The following TMEM132D variants were observed in gnomAD, a reference collection of about 807,000 sequenced individuals.
TMEM132D encodes transmembrane protein 132D.
A neutral mutation model predicts 62.3 loss-of-function variants in TMEM132D; 21 were observed. The ratio of observed to expected loss-of-function variants is 0.34; its 90% CI spans 0.24 to 0.49. The LOEUF is 0.49. TMEM132D is among the 20% of genes least tolerant of loss of function. The pLI is 0.99. For synonymous variants in TMEM132D, 621 were observed against 575.6 expected, an observed-to-expected ratio of 1.08 and a Z score of -1.13; for missense variants, 1,346 against 1,402.8, an observed-to-expected ratio of 0.96 and a Z score of 0.65.
chr12:129,315,894 C>G (rs889692335), intron 4 of TMEM132D, among the ~76,000 whole-genome samples: 2 of 152,008 alleles, frequency 1.3e-5, no homozygotes, highest in African/African-American at 4.8e-5. Context: ...CAGGAATTTA[C>G]CCATCTTTTC....
intron 3 of TMEM132D, among the ~76,000 whole-genome samples, chr12:129,430,856 G>A (rs764275380): frequency 1.3e-5 from 2 of 152,186 alleles, no homozygotes; most frequent in Non-Finnish European, 2.9e-5. Context: ...CTTAAAATGG[G>A]GGAGGTAGAT....
At chr12:129,152,079 T>C (rs1877090796) in intron 5 of TMEM132D, among the ~76,000 whole-genome samples, 1 of 152,174 alleles carries the variant, frequency 6.6e-6, no homozygotes, top group Non-Finnish European at 1.5e-5. Flanking sequence ...GGTTTCACCA[T>C]GTTGGCCAGA....
intron 2 of TMEM132D, among the ~76,000 whole-genome samples, chr12:129,638,203 A>G (rs1394973467): frequency 1.3e-5 from 2 of 152,136 alleles, no homozygotes; most frequent in East Asian, 1.9e-4. Context: ...ATGTGTCCTT[A>G]CCCGTTTTAT....
chr12:129,851,407 T>C (rs10744435), intron 1 of TMEM132D, among the ~76,000 whole-genome samples: 120,170 of 152,164 alleles, frequency 0.79, 47,741 homozygotes, highest in East Asian at 0.92. Flanking sequence ...TGAAAAATTG[T>C]TCATTTACCA....
In TMEM132D at chr12:129,615,805, T is replaced by C. The variant is rs199918467; in HGVS notation, c.968+84005A>G. ...CAAAACAAAACAAAACAAAATAAAATAAAATAAAATAAAATAAAATAAAAT... is the reference window on the plus strand; with the variant it reads ...CAAAACAAAACAAAACAAAATAAAACAAAATAAAATAAAATAAAATAAAAT... On this transcript the variant is annotated intron_variant, in intron 2 of 8. Transcript: ENST00000422113. Among the ~76,000 whole-genome samples the C allele has an allele frequency of 3.3e-3, 410 of 123,434 alleles. 2 individuals carry two copies. Among genetic ancestry groups the C allele is most frequent in the South Asian group, 7.2e-3 (27 of 3,758 alleles). The allele number at this position is 123,434 out of a possible 152,430, so 81.0% of individuals were successfully genotyped here.
intron 1 of TMEM132D, among the ~76,000 whole-genome samples, chr12:129,859,825 A>G (rs1035981674): frequency 1.2e-4 from 19 of 152,238 alleles, no homozygotes; most frequent in African/African-American, 4.3e-4. Context: ...TGGTGGTTGC[A>G]CTGTCGGCCT....
intron 2 of TMEM132D, among the ~76,000 whole-genome samples, chr12:129,697,331 C>T (rs1452648025): frequency 6.6e-6 from 1 of 152,146 alleles, no homozygotes; most frequent in African/African-American, 2.4e-5. Context: ...GTCAAATTGA[C>T]TTCATTTAAA....
chr12:129,237,400 G>A (rs566169091), intron 4 of TMEM132D, among the ~76,000 whole-genome samples: 2 of 151,914 alleles, frequency 1.3e-5, no homozygotes, highest in African/African-American at 2.4e-5. Flanking sequence ...TTCTTTCTGA[G>A]CTCTGCTTTA....
chr12:129,636,775 AG>A (rs1369147019), intron 2 of TMEM132D, among the ~76,000 whole-genome samples: 57 of 151,420 alleles, frequency 3.8e-4, no homozygotes, highest in Non-Finnish European at 1.3e-4. Context: ...AGAAAGAAAG[AG>A]ATATCAATTT....
chr12:129,531,328 T>C (rs1464983932), intron 2 of TMEM132D, 123 bp from the exon 3 acceptor site: 3 of 1,202,826 alleles, frequency 2.5e-6, no homozygotes, highest in Admixed American at 5.1e-5. Context: ...TCATGTATAC[T>C]AGGATTTAAA....
At chr12:129,492,711 G>A (rs1444098514) in intron 3 of TMEM132D, among the ~76,000 whole-genome samples, 2 of 152,100 alleles carry the variant, frequency 1.3e-5, no homozygotes, top group African/African-American at 2.4e-5. Context: ...CTTCTTCTTT[G>A]TATTTGTTTT....
intron 4 of TMEM132D, among the ~76,000 whole-genome samples, chr12:129,282,669 G>A (rs1881189073): frequency 6.6e-6 from 1 of 152,140 alleles, no homozygotes; most frequent in Non-Finnish European, 1.5e-5. Context: ...GTGGAATGTA[G>A]GTGAAAATGG....
chr12:129,655,634 C>A (rs1444572964), intron 2 of TMEM132D, among the ~76,000 whole-genome samples: 1 of 151,964 alleles, frequency 6.6e-6, no homozygotes, highest in Non-Finnish European at 1.5e-5. Flanking sequence ...CTAAGGCCAC[C>A]GAGAGGTGAC....
At chr12:129,726,865 C>T (rs1224084226) in intron 1 of TMEM132D, among the ~76,000 whole-genome samples, 1 of 152,094 alleles carries the variant, frequency 6.6e-6, no homozygotes, top group Non-Finnish European at 1.5e-5. Flanking sequence ...CCAACTCTGG[C>T]CCTGAATAGC....
intron 3 of TMEM132D, among the ~76,000 whole-genome samples, chr12:129,385,621 A>T (rs753632455): frequency 3.2e-4 from 48 of 152,224 alleles, no homozygotes; most frequent in Non-Finnish European, 5.3e-4. Flanking sequence ...AGCAAGAATT[A>T]GTTGAAAACA....
chr12:129,574,311 G>C (rs533952217), intron 2 of TMEM132D, among the ~76,000 whole-genome samples: 1 of 152,018 alleles, frequency 6.6e-6, no homozygotes, highest in African/African-American at 2.4e-5. Context: ...TGTAAAATCT[G>C]ATAAACATGA....
At chr12:129,383,842 A>C (rs144431904) in intron 3 of TMEM132D, among the ~76,000 whole-genome samples, 3 of 152,302 alleles carry the variant, frequency 2.0e-5, no homozygotes, top group African/African-American at 7.2e-5. Context: ...GAAGTACAGA[A>C]GACCGGGTCC....
intron 3 of TMEM132D, among the ~76,000 whole-genome samples, chr12:129,357,525 G>GGAAA (rs1262801230): frequency 2.1e-5 from 3 of 140,164 alleles, no homozygotes; most frequent in Non-Finnish European, 4.6e-5. Context: ...AAAGAAGGAA[G>GGAAA]GAAAGAAAGG....
rs182002939 is a variant in TMEM132D at position 129,461,118 on chromosome 12, C to A, written c.1115+69941G>T. ...TGATAAGGGTTGAGGGTGGTGGGGACCACAGTCAACATGAACTAGAAAGAG... is the reference window on the plus strand; with the variant it reads ...TGATAAGGGTTGAGGGTGGTGGGGAACACAGTCAACATGAACTAGAAAGAG... On this transcript the variant is annotated intron_variant, in intron 3 of 8. Coordinates refer to ENST00000422113, the MANE Select transcript of TMEM132D (RefSeq NM_133448.3). 2.9e-3 allele frequency among the ~76,000 whole-genome samples: 438 copies of A among 152,168 alleles called. 3 individuals carry two copies. Among genetic ancestry groups the A allele is most frequent in the Middle Eastern group, 0.01 (3 of 294 alleles).
Sources: gnomAD v4.1 joint callset for allele counts (sites outside exome capture counted in the v4.1 genomes callset) on GRCh38, gnomAD v4.1.1 for gene constraint, MANE v1.5 for transcripts, NCBI Gene and HGNC (gene_info 2026-07-23, HGNC 2026-07-21) for gene names.